The following LDB2 variants were observed in gnomAD, a reference collection of about 807,000 sequenced individuals.
LDB2 encodes LIM domain binding 2.
LDB2 carries 12 observed loss-of-function variants against 44.3 expected under a neutral mutation model. The ratio of observed to expected loss-of-function variants is 0.27; its 90% CI spans 0.17 to 0.44. LDB2 has a LOEUF of 0.44. Ranked by LOEUF, LDB2 falls within the 20% of genes least tolerant of loss-of-function variation. The probability of loss-of-function intolerance (pLI) is 1.00; values close to 1 mark genes in which losing one functional copy is unlikely to be tolerated. For synonymous variants in LDB2, 164 were observed against 174.8 expected, an observed-to-expected ratio of 0.94 and a Z score of 0.49; for missense variants, 344 against 473.5, an observed-to-expected ratio of 0.73 and a Z score of 2.54.
At chr4:16,657,836 C>G (rs1209649795) in intron 2 of LDB2, among the ~76,000 whole-genome samples, 1 of 152,206 alleles carries the variant, frequency 6.6e-6, no homozygotes, top group Non-Finnish European at 1.5e-5. Context: ...ATCCATTCAT[C>G]CATTTATCTC....
intron 2 of LDB2, among the ~76,000 whole-genome samples, chr4:16,734,705 T>A: frequency 6.1e-5 from 2 of 32,848 alleles, no homozygotes; most frequent in South Asian, 1.4e-3. Context: ...CTTGTTTTCT[T>A]TTTTTTTTTT....
At chr4:16,727,722 C>T (rs1327217314) in intron 2 of LDB2, among the ~76,000 whole-genome samples, 1 of 152,216 alleles carries the variant, frequency 6.6e-6, no homozygotes, top group Non-Finnish European at 1.5e-5. Context: ...TAGCATCCCA[C>T]TCTTTCTGTC....
intron 5 of LDB2, chr4:16,581,262 G>A (rs35674292): frequency 0.013 from 2,750 of 217,530 alleles, 27 homozygotes; most frequent in Non-Finnish European, 0.019. Flanking sequence ...GAGAGATGGC[G>A]TAGCCCATTT....
intron 5 of LDB2, among the ~76,000 whole-genome samples, chr4:16,512,528 C>CTTGT (rs1722190111): frequency 6.6e-6 from 1 of 152,190 alleles, no homozygotes; most frequent in Non-Finnish European, 1.5e-5. Flanking sequence ...GGTTTCTGTT[C>CTTGT]TTGTTTGTAT....
intron 2 of LDB2, among the ~76,000 whole-genome samples, chr4:16,720,168 T>A (rs2152680727): frequency 6.6e-6 from 1 of 151,894 alleles, no homozygotes; most frequent in East Asian, 1.9e-4. Flanking sequence ...CAAACCCTAA[T>A]CCAGGTATAT....
chr4:16,836,494 A>C (rs888392404), intron 1 of LDB2, among the ~76,000 whole-genome samples: 1 of 152,088 alleles, frequency 6.6e-6, no homozygotes, highest in African/African-American at 2.4e-5. Flanking sequence ...AAGCTCTCCA[A>C]ATTTGGGCTT....
intron 2 of LDB2, among the ~76,000 whole-genome samples, chr4:16,609,703 T>A (rs1405301035): frequency 6.6e-6 from 1 of 152,122 alleles, no homozygotes; most frequent in Non-Finnish European, 1.5e-5. Flanking sequence ...CAGATCTCCC[T>A]GGGCCTGAGC....
At position 16,502,557 on chromosome 4, in the gene LDB2, T is replaced by C; in HGVS notation, c.*86A>G. The C allele has an allele frequency of 6.5e-7, 1 of 1,535,946 alleles. No individual in the cohort carries two copies. The highest frequency in any genetic ancestry group is 8.9e-7 in the Non-Finnish European group (1 of 1,121,148). ...ATTTGCATGGAAAAGTTTTTATCTC[T>C]TCTGTTTCCTCTCCTGTAAGTAAAG... On this transcript the variant is annotated 3_prime_UTR_variant, in exon 8 of 8. Transcript: ENST00000304523.
At chr4:16,715,563 C>A (rs1423212720) in intron 2 of LDB2, among the ~76,000 whole-genome samples, 2 of 152,172 alleles carry the variant, frequency 1.3e-5, no homozygotes, top group Non-Finnish European at 2.9e-5. Flanking sequence ...AGATATGAAA[C>A]AAGACTGAGA....
At chr4:16,856,066 C>T (rs1056562084) in intron 1 of LDB2, among the ~76,000 whole-genome samples, 1 of 152,022 alleles carries the variant, frequency 6.6e-6, no homozygotes, top group African/African-American at 2.4e-5. Context: ...TTTTCCAATC[C>T]CAAATCTATG....
intron 2 of LDB2, among the ~76,000 whole-genome samples, chr4:16,625,222 T>A (rs1297056751): frequency 6.6e-6 from 1 of 152,212 alleles, no homozygotes; most frequent in Non-Finnish European, 1.5e-5. Context: ...GAACTTCTTA[T>A]AGCCCCTTTG....
At chr4:16,520,009 G>T in intron 5 of LDB2, among the ~76,000 whole-genome samples, 1 of 152,004 alleles carries the variant, frequency 6.6e-6, no homozygotes, top group Non-Finnish European at 1.5e-5. Flanking sequence ...GCCCCAAAGA[G>T]TAGTAATCAG....
intron 1 of LDB2, among the ~76,000 whole-genome samples, chr4:16,824,209 TTG>T (rs1015471230): frequency 1.3e-5 from 2 of 152,044 alleles, no homozygotes; most frequent in East Asian, 3.9e-4. Flanking sequence ...AGGGGAGAGA[TTG>T]TGTGTGTGTA....
intron 2 of LDB2, among the ~76,000 whole-genome samples, chr4:16,731,658 A>G (rs1025118609): frequency 6.6e-6 from 1 of 152,144 alleles, no homozygotes; most frequent in Non-Finnish European, 1.5e-5. Context: ...TGAGAAAATA[A>G]ATGTCTATTG....
At chr4:16,862,414 A>C (rs1042238922) in intron 1 of LDB2, among the ~76,000 whole-genome samples, 2 of 151,970 alleles carry the variant, frequency 1.3e-5, no homozygotes, top group South Asian at 2.1e-4. Flanking sequence ...CAGGTGGATC[A>C]CCTGTGGTCG....
At chr4:16,835,299 C>G (rs769962429) in intron 1 of LDB2, among the ~76,000 whole-genome samples, 22 of 152,146 alleles carry the variant, frequency 1.4e-4, no homozygotes, top group Non-Finnish European at 2.8e-4. Context: ...ATCCCCACAC[C>G]CCAGACAGAG....
At chr4:16,508,426 C>G (rs1184629254) in intron 7 of LDB2, 109 bp downstream of exon 7, 18 of 1,098,276 alleles carry the variant, frequency 1.6e-5, no homozygotes, top group Non-Finnish European at 2.0e-5. Context: ...CACCTCCAAC[C>G]TGCCCAGGAT....
chr4:16,668,525 A>AT (rs1743911284), intron 2 of LDB2, among the ~76,000 whole-genome samples: 1 of 152,164 alleles, frequency 6.6e-6, no homozygotes, highest in South Asian at 2.1e-4. Flanking sequence ...TTCACATGCC[A>AT]TGAAGGCCAC....
rs755050927 is a variant in LDB2, at chr4:16,502,372, G to A, written c.*271C>T. 25 of 436,230 alleles carry A rather than the reference G, an allele frequency of 5.7e-5. No homozygotes were observed. The highest frequency in any genetic ancestry group is 6.9e-5 in the South Asian group (2 of 29,076). 27.0% of individuals were successfully genotyped at this position (436,230 alleles called of 1,614,324 possible). A position where few individuals can be genotyped will look rare whatever the true frequency, so the allele number is the denominator to read the frequency against. ...TTGTTAAAACCGTGCCAGAAGATGC[G>A]CTAGAGTTTTCTCTCATTTTAATTA... On this transcript the variant is annotated 3_prime_UTR_variant, in exon 8 of 8. Coordinates refer to ENST00000304523, the MANE Select transcript of LDB2 (RefSeq NM_001290.5).
Sources: allele counts gnomAD v4.1 joint callset (sites outside exome capture counted in the v4.1 genomes callset), GRCh38; gene constraint gnomAD v4.1.1; transcripts MANE v1.5; gene names NCBI Gene and HGNC (gene_info 2026-07-23, HGNC 2026-07-21).